IL10RA: variants seen among roughly 807,000 people sequenced by gnomAD.
IL10RA encodes interleukin 10 receptor subunit alpha, also known as interleukin-10 receptor subunit alpha.
Under a neutral mutation model 29.6 loss-of-function variants are expected in IL10RA, and 18 were observed. The ratio of observed to expected loss-of-function variants is 0.61; its 90% CI spans 0.42 to 0.90. IL10RA has a LOEUF of 0.90. IL10RA is among the 40% of genes least tolerant of loss of function. The pLI is 0.00. For missense variants in IL10RA, 634 were observed against 716.6 expected (o/e 0.88, Z 1.32); for synonymous variants, 292 against 294.1 (o/e 0.99, Z 0.07).
intron 1 of IL10RA, chr11:117,987,733 G>C (rs1043805563): frequency 1.2e-5 from 2 of 162,390 alleles, no homozygotes; most frequent in African/African-American, 2.4e-5. Flanking sequence ...CGGAGCTACA[G>C]GTGCCAGCTC....
Position 117,999,052 on chromosome 11 carries a change from C to T in IL10RA, c.1148C>T (p.Thr383Ile). 2.5e-6 allele frequency: 4 copies of T among 1,612,332 alleles called. No individual in the cohort carries two copies. The highest frequency in any genetic ancestry group is 3.4e-6 in the Non-Finnish European group (4 of 1,178,582). The change falls in exon 7 of 7, where the codon ACA becomes ATA. Residue 383 changes from threonine (T) to isoleucine (I), a missense_variant. Thr to Ile is a moderately conservative substitution (Grantham distance 89). Coordinates refer to ENST00000227752, the MANE Select transcript of IL10RA (RefSeq NM_001558.4). ...CLQEPSLSPSTGPTWEQQVGS... is the reference protein window; with the variant it reads ...CLQEPSLSPSIGPTWEQQVGS... The stretch of plus-strand genomic sequence containing the variant: ...CAGGAGCCCAGCCTGAGCCCCAGCA[C>T]AGGGCCCACCTGGGAGCAACAGGTG...
At chr11:118,002,461 G>GAAAGA, downstream of IL10RA, 1 of 152,340 alleles carries the variant, frequency 6.6e-6, no homozygotes, top group East Asian at 1.9e-4. Context: ...GTCAATATTG[G>GAAAGA]AAAGAAAAGT....
chr11:118,002,525 T>C (rs1035679910), downstream of IL10RA: 2 of 152,200 alleles, frequency 1.3e-5, no homozygotes, highest in African/African-American at 4.8e-5. Context: ...TTATTCCCCA[T>C]GGAAAAGGCC....
rs763555919 is a variant in IL10RA at position 118,000,219 on chromosome 11, A to G, written c.*578A>G. 4.4e-6 allele frequency: 2 copies of G among 454,172 alleles called. No individual in the cohort carries two copies. Among genetic ancestry groups the G allele is most frequent in the South Asian group, 3.1e-5 (2 of 64,472 alleles). The allele number at this position is 454,172 out of a possible 1,614,324, so 28.1% of individuals were successfully genotyped here. A position where few individuals can be genotyped will look rare whatever the true frequency, so the allele number is the denominator to read the frequency against. On this transcript the variant is annotated 3_prime_UTR_variant, in exon 7 of 7. Coordinates refer to ENST00000227752, the MANE Select transcript of IL10RA (RefSeq NM_001558.4). ...GCTTGTCACTGGAAGATCTTAAGGT[A>G]TATATTTTCTGGACACTCAAACACA...
In IL10RA at chr11:117,999,971, G is replaced by A. The variant is rs544211984; in HGVS notation, c.*330G>A. 6.4e-5 allele frequency: 32 copies of A among 501,154 alleles called. No individual in the cohort carries two copies. Among genetic ancestry groups the A allele is most frequent in the South Asian group, 4.3e-4 (28 of 64,900 alleles). 31.0% of individuals were successfully genotyped at this position (501,154 alleles called of 1,614,324 possible). On this transcript the variant is annotated 3_prime_UTR_variant, in exon 7 of 7. Coordinates refer to ENST00000227752, the MANE Select transcript of IL10RA (RefSeq NM_001558.4). ...ATCATAAAGGATTATTTGCTCAGGG[G>A]AACCATGGGGCTTTCTGGAGTTGTG...
chr11:117,987,424 A>G (rs1337175032), intron 1 of IL10RA: 1 of 159,484 alleles, frequency 6.3e-6, no homozygotes, highest in Admixed American at 6.0e-5. Flanking sequence ...CCCAAAAAAT[A>G]AATAAAAAAC....
chr11:117,991,294 A>G (rs1464397586), intron 3 of IL10RA, among the ~76,000 whole-genome samples: 1 of 152,248 alleles, frequency 6.6e-6, no homozygotes, highest in African/African-American at 2.4e-5. Context: ...CTACATGTTT[A>G]TGAGGTACAG....
rs1443803402 is a variant in IL10RA at position 117,999,764 on chromosome 11, G to A, written c.*123G>A. 2.2e-6 allele frequency: 2 copies of A among 891,874 alleles called. No homozygotes were observed. Among genetic ancestry groups the A allele is most frequent in the Non-Finnish European group, 3.6e-6 (2 of 554,644 alleles). 55.2% of individuals were successfully genotyped at this position (891,874 alleles called of 1,614,324 possible). On this transcript the variant is annotated 3_prime_UTR_variant, in exon 7 of 7. Transcript: ENST00000227752. ...TGGGCACTTTTCTGCAAGTCCACTG[G>A]GGCTGGCCCCAGCCAGGCCCTGCAG...
chr11:117,986,558 T>C (rs1232206127), intron 1 of IL10RA, 24 bp downstream of exon 1: 1 of 1,550,834 alleles, frequency 6.4e-7, no homozygotes, highest in African/African-American at 1.4e-5. Context: ...ACGCGGCCCT[T>C]CCCTGCCCTG....
At chr11:117,995,423 C>A (rs1028277527) in intron 5 of IL10RA, 166 bp from the exon 6 acceptor site, 3 of 810,030 alleles carry the variant, frequency 3.7e-6, no homozygotes, top group Non-Finnish European at 6.2e-6. Flanking sequence ...GGTAGGGATT[C>A]GCAGAAACCT....
intron 6 of IL10RA, among the ~76,000 whole-genome samples, chr11:117,996,351 C>T (rs1469615994): frequency 6.6e-6 from 1 of 152,194 alleles, no homozygotes; most frequent in African/African-American, 2.4e-5. Context: ...CAGGGTGTGT[C>T]CTCTTGCTAC....
intron 3 of IL10RA, among the ~76,000 whole-genome samples, chr11:117,990,366 T>A (rs2058013798): frequency 6.9e-6 from 1 of 145,914 alleles, no homozygotes. Flanking sequence ...TTTTTTTTTT[T>A]AACATTTTGT....
intron 1 of IL10RA, 21 bp downstream of exon 1, chr11:117,986,555 C>T: frequency 3.2e-6 from 5 of 1,550,944 alleles, no homozygotes; most frequent in Non-Finnish European, 4.4e-6. Context: ...GGGACGCGGC[C>T]CTTCCCTGCC....
At chr11:117,995,312 C>A (rs888609675) in intron 5 of IL10RA, 1 of 486,106 alleles carries the variant, frequency 2.1e-6, no homozygotes, top group Non-Finnish European at 3.8e-6. Context: ...TACCATCCTG[C>A]CTCACTGTTC....
At chr11:117,991,863 T>C (rs1249977544) in intron 3 of IL10RA, among the ~76,000 whole-genome samples, 1 of 152,164 alleles carries the variant, frequency 6.6e-6, no homozygotes, top group African/African-American at 2.4e-5. Context: ...GCCTCCTTAG[T>C]AGCTGGGATT....
In IL10RA at chr11:117,988,366, A is replaced by G. The variant is rs546258420; in HGVS notation, c.68-16A>G. The stretch of plus-strand genomic sequence containing the variant: ...GCCCCCCCTCCCAGCTGTGGTACTG[A>G]CACTCTTCTCCCCAGGGACAGAGCT... On this transcript the variant is annotated splice_polypyrimidine_tract_variant and intron_variant, in intron 1 of 6. Transcript: ENST00000227752. The G allele has an allele frequency of 1.5e-4, 237 of 1,613,878 alleles. 4 individuals are homozygous for G. In the South Asian group the frequency reaches 2.5e-3, roughly 17 times the overall value.
chr11:117,998,618 A>G (rs2058070972), intron 6 of IL10RA, 97 bp from the exon 7 acceptor site: 2 of 994,778 alleles, frequency 2.0e-6, no homozygotes, highest in Non-Finnish European at 3.2e-6. Flanking sequence ...AGTCTCCTCC[A>G]TCGAGCTCTC....
Position 117,999,151 on chromosome 11 carries a change from C to G in IL10RA, c.1247C>G (p.Thr416Arg), listed in dbSNP as rs200254237. Residue 416 changes from threonine (T) to arginine (R), a missense_variant, in exon 7 of 7, where the codon ACA becomes AGA. Coordinates refer to ENST00000227752, the MANE Select transcript of IL10RA (RefSeq NM_001558.4). ...VQNSEGRAGD[T>R]QGGSALGHHS... ...AACTCTGAGGGCCGGGCTGGGGACACACAGGGTGGCTCGGCCTTGGGCCAC... is the reference window on the plus strand; with the variant it reads ...AACTCTGAGGGCCGGGCTGGGGACAGACAGGGTGGCTCGGCCTTGGGCCAC... 1 of 1,614,044 alleles carries G rather than the reference C, an allele frequency of 6.2e-7. No homozygotes were observed. Among genetic ancestry groups the G allele is most frequent in the Admixed American group, 1.7e-5 (1 of 60,030 alleles).
chr11:117,996,422 T>C (rs1325725392), intron 6 of IL10RA, among the ~76,000 whole-genome samples: 2 of 152,222 alleles, frequency 1.3e-5, no homozygotes, highest in African/African-American at 4.8e-5. Context: ...CTTGCAAAGA[T>C]TGGGCAGCAT....
Sources: allele counts gnomAD v4.1 joint callset (sites outside exome capture counted in the v4.1 genomes callset), GRCh38; gene constraint gnomAD v4.1.1; transcripts MANE v1.5; gene names NCBI Gene and HGNC (gene_info 2026-07-23, HGNC 2026-07-21).